The following CXADR variants were observed in gnomAD, a reference collection of about 807,000 sequenced individuals.
The protein encoded by CXADR is coxsackievirus and adenovirus receptor.
CXADR carries 20 observed loss-of-function variants against 40.3 expected under a neutral mutation model. That is an observed-to-expected ratio of 0.50 (90% confidence interval 0.35 to 0.72). The LOEUF is 0.72. Ranked by LOEUF, CXADR falls within the 30% of genes least tolerant of loss-of-function variation. The pLI is 0.01. For missense variants in CXADR, 332 were observed against 449.1 expected, an observed-to-expected ratio of 0.74 and a Z score of 2.36; for synonymous variants, 150 against 161.3, an observed-to-expected ratio of 0.93 and a Z score of 0.53.
At chr21:17,542,638 C>G (rs1489376332) in intron 1 of CXADR, among the ~76,000 whole-genome samples, 10 of 152,190 alleles carry the variant, frequency 6.6e-5, no homozygotes, top group African/African-American at 9.7e-5. Flanking sequence ...ATAATATGAT[C>G]TAGTGCTGTG....
intron 1 of CXADR, among the ~76,000 whole-genome samples, chr21:17,529,881 A>G (rs1569085282): frequency 2.0e-5 from 3 of 151,784 alleles, no homozygotes; most frequent in Non-Finnish European, 4.4e-5. Context: ...ATAGAACCCA[A>G]CCCACATATC....
At chr21:17,589,453 A>G (rs928450665) in intron 7 of CXADR, among the ~76,000 whole-genome samples, 57 of 152,234 alleles carry the variant, frequency 3.7e-4, no homozygotes, top group African/African-American at 1.4e-3. Context: ...ATAAAAATTT[A>G]AAGATCAAAA....
chr21:17,572,137 G>A (rs370338965), downstream of CXADR, among the ~76,000 whole-genome samples: 20 of 151,756 alleles, frequency 1.3e-4, no homozygotes, highest in East Asian at 2.5e-3. Flanking sequence ...CAAGGCAGGC[G>A]GATCACTTGA....
At chr21:17,623,497 A>G in the CXADR span, among the ~76,000 whole-genome samples, 3 of 152,110 alleles carry the variant, frequency 2.0e-5, no homozygotes, top group Non-Finnish European at 4.4e-5. Flanking sequence ...CTTTACATTC[A>G]TTTCCTCTGT....
rs2095804213 is a variant in CXADR at position 17,567,822 on chromosome 21, A to T, written c.*2130A>T. 1.0e-6 allele frequency: 1 copy of T among 958,428 alleles called. No homozygotes were observed. The highest frequency in any genetic ancestry group is 1.2e-6 in the Non-Finnish European group (1 of 805,390). The allele number at this position is 958,428 out of a possible 1,614,324, so 59.4% of individuals were successfully genotyped here. On this transcript the variant is annotated 3_prime_UTR_variant, in exon 7 of 7. Coordinates refer to ENST00000284878, the MANE Select transcript of CXADR (RefSeq NM_001338.5). The stretch of plus-strand genomic sequence containing the variant: ...AAAATTATCCTATTGATCTAAGTAG[A>T]AGTTATCATAGAAAGTGGACACGTA...
intron 1 of CXADR, among the ~76,000 whole-genome samples, chr21:17,513,896 A>T (rs75609022): frequency 2.0e-5 from 3 of 152,312 alleles, no homozygotes. Flanking sequence ...TGAGTTTGTA[A>T]TGAGTCGTTC....
chr21:17,600,868 A>G, the CXADR span, among the ~76,000 whole-genome samples: 561 of 152,212 alleles, frequency 3.7e-3, 2 homozygotes, highest in Non-Finnish European at 5.6e-3. Flanking sequence ...TTACCTCATA[A>G]AAGTTGCTAC....
chr21:17,598,617 C>A, the CXADR span: 1 of 1,613,504 alleles, frequency 6.2e-7, no homozygotes, highest in Non-Finnish European at 8.5e-7. Flanking sequence ...TCATGGTTAC[C>A]TGGTACACAG....
chr21:17,588,513 A>G (rs2061413297), intron 7 of CXADR, among the ~76,000 whole-genome samples: 1 of 152,118 alleles, frequency 6.6e-6, no homozygotes, highest in African/African-American at 2.4e-5. Context: ...ATGGGAGTTC[A>G]CTCATGATTT....
chr21:17,603,500 C>A, the CXADR span, among the ~76,000 whole-genome samples: 1 of 152,148 alleles, frequency 6.6e-6, no homozygotes, highest in Non-Finnish European at 1.5e-5. Context: ...TCATGTAATT[C>A]ATCTCTCCTG....
At chr21:17,580,430 C>A (rs1362475747) in intron 7 of CXADR, among the ~76,000 whole-genome samples, 1 of 152,098 alleles carries the variant, frequency 6.6e-6, no homozygotes, top group South Asian at 2.1e-4. Flanking sequence ...ACCAGCCTGG[C>A]CAACATGGCG....
At chr21:17,623,419 G>GA in the CXADR span, among the ~76,000 whole-genome samples, 8 of 149,960 alleles carry the variant, frequency 5.3e-5, no homozygotes, top group African/African-American at 2.0e-4. Context: ...TCACAAATCA[G>GA]AAAAAAAAAA....
chr21:17,588,190 T>C (rs2061411019), intron 7 of CXADR, among the ~76,000 whole-genome samples: 1 of 152,220 alleles, frequency 6.6e-6, no homozygotes, highest in Non-Finnish European at 1.5e-5. Flanking sequence ...TTTGTTCTTT[T>C]GGCTTAGGAT....
the CXADR span, among the ~76,000 whole-genome samples, chr21:17,631,724 A>G: frequency 2.8e-4 from 43 of 152,316 alleles, no homozygotes; most frequent in Non-Finnish European, 5.4e-4. Flanking sequence ...GTCATTTTAT[A>G]CATTTCTCCA....
downstream of CXADR, among the ~76,000 whole-genome samples, chr21:17,570,312 A>G (rs1248580220): frequency 3.3e-5 from 5 of 152,244 alleles, no homozygotes; most frequent in African/African-American, 9.6e-5. Context: ...GTGTGCTTAT[A>G]TAACAGTATA....
chr21:17,625,509 A>G, the CXADR span, among the ~76,000 whole-genome samples: 2 of 152,214 alleles, frequency 1.3e-5, no homozygotes, highest in Non-Finnish European at 2.9e-5. Context: ...TATAATTGAT[A>G]TATTAATTTT....
chr21:17,620,338 C>G, the CXADR span, among the ~76,000 whole-genome samples: 2 of 152,028 alleles, frequency 1.3e-5, no homozygotes, highest in East Asian at 3.9e-4. Context: ...GAGAGAGAGA[C>G]AGTGGAATGG....
intron 7 of CXADR, among the ~76,000 whole-genome samples, chr21:17,587,339 G>A (rs905765106): frequency 1.3e-5 from 2 of 152,080 alleles, no homozygotes; most frequent in African/African-American, 4.8e-5. Flanking sequence ...GGTTGAACTA[G>A]TTTACAGTCC....
At chr21:17,552,669 A>C (rs1305510290) in intron 3 of CXADR, among the ~76,000 whole-genome samples, 1 of 152,202 alleles carries the variant, frequency 6.6e-6, no homozygotes, top group African/African-American at 2.4e-5. Context: ...TACATTGGCT[A>C]CCATGTAGAA....
Sources: allele counts gnomAD v4.1 joint callset (sites outside exome capture counted in the v4.1 genomes callset), GRCh38; gene constraint gnomAD v4.1.1; transcripts MANE v1.5; gene names NCBI Gene and HGNC (gene_info 2026-07-23, HGNC 2026-07-21).